SLC17A4: variants seen among roughly 807,000 people sequenced by gnomAD.
SLC17A4 encodes the protein probable small intestine urate exporter.
Under a neutral mutation model 52.5 loss-of-function variants are expected in SLC17A4, and 33 were observed. The observed-to-expected ratio is 0.63, with a 90% CI of 0.48 to 0.84. SLC17A4 has a LOEUF of 0.84. Among genes scored for constraint, SLC17A4 ranks in the 40% least tolerant of loss-of-function variants. The pLI is 0.00. For missense variants in SLC17A4, 585 were observed against 597.1 expected (o/e 0.98, Z 0.21); for synonymous variants, 225 against 216.2 (o/e 1.04, Z -0.36).
intron 1 of SLC17A4, among the ~76,000 whole-genome samples, chr6:25,758,652 C>T (rs537379091): frequency 8.2e-4 from 125 of 152,276 alleles, no homozygotes; most frequent in African/African-American, 2.6e-3. Context: ...CGTTTTGTTT[C>T]AAATTGAGCT....
rs1169350755 is a variant in SLC17A4, at chr6:25,757,737, C to G, written c.-37+2956C>G. 2.6e-5 allele frequency among the ~76,000 whole-genome samples: 4 copies of G among 152,106 alleles called. No homozygotes were observed. The East Asian group carries it at 7.7e-4, about 29-fold the overall frequency. ...GGAAGTGTCTTTCTTAGCTGGAGCT[C>G]TTGTGACCTGGCATTGGTGGTCTCT... On this transcript the variant is annotated intron_variant, in intron 1 of 11. Coordinates refer to ENST00000377905, the MANE Select transcript of SLC17A4 (RefSeq NM_005495.3).
At chr6:25,761,694 C>T (rs1227482991) in intron 1 of SLC17A4, among the ~76,000 whole-genome samples, 2 of 151,978 alleles carry the variant, frequency 1.3e-5, no homozygotes, top group African/African-American at 2.4e-5. Context: ...GAAGGCAATC[C>T]AGGCCAGATT....
At chr6:25,777,087 C>T in intron 10 of SLC17A4, 128 bp downstream of exon 10, 5 of 978,566 alleles carry the variant, frequency 5.1e-6, no homozygotes. Flanking sequence ...ACCAGCTCTA[C>T]ATCCTACATC....
In SLC17A4 at chr6:25,775,085, T is replaced by C. The variant is rs182391560; in HGVS notation, c.987+1411T>C. ...TGGCTCATGCCTATAATCCCAACAC[T>C]TTGGGAGGATGAGGCAGGTGGATCA... is the stretch of plus-strand genomic sequence containing the variant. On this transcript the variant is annotated intron_variant, in intron 8 of 11. Transcript: ENST00000377905. 9.7e-3 allele frequency among the ~76,000 whole-genome samples: 1,477 copies of C among 152,220 alleles called. 12 individuals carry two copies. Among genetic ancestry groups the C allele is most frequent in the Non-Finnish European group, 0.014 (951 of 67,988 alleles).
At chr6:25,770,499 C>T (rs1296506483) in intron 5 of SLC17A4, 28 bp downstream of exon 5, 8 of 1,600,528 alleles carry the variant, frequency 5.0e-6, no homozygotes, top group South Asian at 1.1e-5. Flanking sequence ...CCTCACTTTA[C>T]ATGCACTGTC....
At chr6:25,759,677 A>C (rs1279313175) in intron 1 of SLC17A4, among the ~76,000 whole-genome samples, 1 of 152,218 alleles carries the variant, frequency 6.6e-6, no homozygotes, top group African/African-American at 2.4e-5. Context: ...AAACAAACAA[A>C]AAAAGAATAG....
rs770462332 is a variant in SLC17A4, at chr6:25,777,969, A to G, written c.1312A>G (p.Ile438Val). The change falls in exon 11 of 12, where the codon ATA becomes GTA. Residue 438 changes from isoleucine (I) to valine (V), a missense_variant. Transcript: ENST00000377905. Reference protein sequence around the residue: ...LKGLLQVFAHIAGAISPTAAG... With the variant: ...LKGLLQVFAHVAGAISPTAAG... ...AGGACTATTGCAAGTCTTTGCACAC[A>G]TAGCTGGAGCCATCTCTCCTACTGC... 6.8e-6 allele frequency: 11 copies of G among 1,613,172 alleles called. No individual in the cohort carries two copies. The highest frequency in any genetic ancestry group is 1.7e-5 in the Admixed American group (1 of 59,986).
intron 1 of SLC17A4, among the ~76,000 whole-genome samples, chr6:25,756,918 T>C (rs369012294): frequency 2.6e-5 from 4 of 152,236 alleles, no homozygotes; most frequent in African/African-American, 9.6e-5. Flanking sequence ...TTCTTGTGAC[T>C]GATATGATTT....
Position 25,769,024 on chromosome 6 carries a change from A to G in SLC17A4, c.131A>G (p.Gln44Arg). 1 of 1,614,010 alleles carries G rather than the reference A, an allele frequency of 6.2e-7. No homozygotes were observed. The highest frequency in any genetic ancestry group is 8.5e-7 in the Non-Finnish European group (1 of 1,179,982). ...CGACATGGGCTGGCCCTCATCTTGC[A>G]GCTCTGTAATTTTTCAATTTACACC... is the stretch of plus-strand genomic sequence containing the variant. ...SVRHGLALIL[Q>R]LCNFSIYTQQ... The change falls in exon 3 of 12, where the codon CAG becomes CGG. Residue 44 changes from glutamine (Q) to arginine (R), a missense_variant. Transcript: ENST00000377905.
intron 1 of SLC17A4, among the ~76,000 whole-genome samples, chr6:25,756,789 A>G (rs1937132): frequency 0.27 from 41,347 of 152,084 alleles, 6,834 homozygotes; most frequent in East Asian, 0.7. Context: ...TTCAATAAAT[A>G]TTTACTGAAT....
intron 2 of SLC17A4, among the ~76,000 whole-genome samples, chr6:25,762,702 A>C (rs1037622413): frequency 3.9e-5 from 6 of 152,214 alleles, no homozygotes; most frequent in African/African-American, 1.4e-4. Flanking sequence ...GTTAAGAATT[A>C]TGCATATCTT....
chr6:25,763,227 T>A (rs566086925), intron 2 of SLC17A4, among the ~76,000 whole-genome samples: 1 of 152,348 alleles, frequency 6.6e-6, no homozygotes, highest in African/African-American at 2.4e-5. Flanking sequence ...CACTCCAGGC[T>A]ATAGCTGTAT....
In SLC17A4 at chr6:25,779,147, G is replaced by A. The variant is rs144164391; in HGVS notation, c.1453G>A (p.Val485Met). The change falls in exon 12 of 12, where the codon GTG becomes ATG. Residue 485 changes from valine (V) to methionine (M), a missense_variant. Coordinates refer to ENST00000377905, the MANE Select transcript of SLC17A4 (RefSeq NM_005495.3). ...VFYLIFGRAD[V>M]QDWAKEQTFT... ...CTACCTCATCTTTGGCCGAGCAGAT[G>A]TGCAGGACTGGGCTAAAGAGCAGAC... 1.6e-4 allele frequency: 255 copies of A among 1,613,894 alleles called. No individual in the cohort carries two copies. Among genetic ancestry groups the A allele is most frequent in the African/African-American group, 1.4e-3 (108 of 75,018 alleles).
chr6:25,770,928 T>C lies in SLC17A4; in HGVS notation c.622T>C (p.Ser208Pro). ...SQLTTIAGSG[S>P]MLGSFIVLLA... ...ACATCCTCGCCTCTTCTGTTCAGGG[T>C]CAATGCTGGGGTCCTTCATTGTTCT... The change falls in exon 6 of 12, where the codon TCA becomes CCA. Residue 208 changes from serine to proline, a missense_variant and splice_region_variant. Physicochemically the swap from Ser to Pro is moderately conservative, Grantham distance 74. Transcript: ENST00000377905. 1.2e-6 allele frequency: 2 copies of C among 1,613,384 alleles called. No individual in the cohort carries two copies. Among genetic ancestry groups the C allele is most frequent in the Non-Finnish European group, 1.7e-6 (2 of 1,179,370 alleles).
At chr6:25,756,560 T>C (rs1761033924) in intron 1 of SLC17A4, among the ~76,000 whole-genome samples, 1 of 152,210 alleles carries the variant, frequency 6.6e-6, no homozygotes, top group Non-Finnish European at 1.5e-5. Context: ...TGTGCCTGCA[T>C]CACGCTGTCC....
At chr6:25,756,846 C>T (rs939378358) in intron 1 of SLC17A4, among the ~76,000 whole-genome samples, 5 of 152,110 alleles carry the variant, frequency 3.3e-5, no homozygotes, top group African/African-American at 7.2e-5. Context: ...TTGGAACACT[C>T]GAAGAGTCTG....
intron 8 of SLC17A4, among the ~76,000 whole-genome samples, chr6:25,774,561 G>A (rs1244778826): frequency 6.6e-6 from 1 of 152,190 alleles, no homozygotes; most frequent in Non-Finnish European, 1.5e-5. Context: ...TTTCAAAGAG[G>A]AAGAGGGCCA....
At chr6:25,766,735 GC>G (rs1326692224) in intron 2 of SLC17A4, among the ~76,000 whole-genome samples, 3 of 152,178 alleles carry the variant, frequency 2.0e-5, no homozygotes. Context: ...ATTAAGGGAT[GC>G]CCCACAAAAC....
rs150942022 is a variant in SLC17A4 at position 25,762,001 on chromosome 6, C to A, written c.39C>A (p.Asp13Glu). The change falls in exon 2 of 12, where the codon GAC (aspartate) becomes GAA (glutamate). Residue 13 changes from aspartate to glutamate, a missense_variant. Coordinates refer to ENST00000377905, the MANE Select transcript of SLC17A4 (RefSeq NM_005495.3). Reference protein sequence around the residue: ...TGPDVKATVGDISSDGNLNVA... With the variant: ...TGPDVKATVGEISSDGNLNVA... Reference sequence around the variant, plus strand: ...CAGATGTCAAGGCTACAGTGGGGGACATTTCCAGTGATGGCAATTTAAACG... The same window carrying A: ...CAGATGTCAAGGCTACAGTGGGGGAAATTTCCAGTGATGGCAATTTAAACG... The A allele has an allele frequency of 5.2e-4, 843 of 1,613,268 alleles. 2 individuals are homozygous for A. The highest frequency in any genetic ancestry group is 2.3e-3 in the Middle Eastern group (14 of 6,060).
Sources: allele counts gnomAD v4.1 joint callset (sites outside exome capture counted in the v4.1 genomes callset), GRCh38; gene constraint gnomAD v4.1.1; transcripts MANE v1.5; gene names NCBI Gene and HGNC (gene_info 2026-07-23, HGNC 2026-07-21).